The following ADAMTS17 variants were observed in gnomAD, a reference collection of about 807,000 sequenced individuals.
ADAMTS17 encodes A disintegrin and metalloproteinase with thrombospondin motifs 17.
In ADAMTS17, 113 loss-of-function variants were observed where a neutral mutation model predicts 141.5. That is an observed-to-expected ratio of 0.80 (90% CI 0.69 to 0.93). The LOEUF is 0.93. Among genes scored for constraint, ADAMTS17 ranks in the 40% least tolerant of loss-of-function variants. The pLI, the probability that ADAMTS17 is intolerant of heterozygous loss-of-function variation, is 0.00. For synonymous variants in ADAMTS17, 768 were observed against 630.6 expected (o/e 1.22, Z -3.27); for missense variants, 1,659 against 1,517.9 (o/e 1.09, Z -1.54).
At chr15:100,025,865 A>G (rs1470249044) in intron 18 of ADAMTS17, among the ~76,000 whole-genome samples, 1 of 151,648 alleles carries the variant, frequency 6.6e-6, no homozygotes, top group Non-Finnish European at 1.5e-5. Flanking sequence ...TTTACTGTTT[A>G]TTTATTTTTT....
chr15:100,153,549 CAGG>C (rs1230766994), intron 9 of ADAMTS17, among the ~76,000 whole-genome samples: 1 of 152,158 alleles, frequency 6.6e-6, no homozygotes, highest in Non-Finnish European at 1.5e-5. Context: ...AAGGCTGAAG[CAGG>C]AGAATTACTT....
chr15:100,258,227 G>T (rs2043392922), intron 6 of ADAMTS17, among the ~76,000 whole-genome samples: 1 of 152,148 alleles, frequency 6.6e-6, no homozygotes, highest in Admixed American at 6.5e-5. Context: ...TTGAATTTCA[G>T]TTCTTCTGGG....
intron 18 of ADAMTS17, among the ~76,000 whole-genome samples, chr15:100,034,763 C>T (rs1373646502): frequency 6.6e-6 from 1 of 152,148 alleles, no homozygotes; most frequent in Non-Finnish European, 1.5e-5. Context: ...CCTCGTGTGC[C>T]CGACACCTAC....
At chr15:100,217,213 T>A (rs1461117153) in intron 7 of ADAMTS17, among the ~76,000 whole-genome samples, 1 of 152,194 alleles carries the variant, frequency 6.6e-6, no homozygotes, top group Admixed American at 6.5e-5. Context: ...GTCTTTTCAA[T>A]TAGTGGTACT....
rs751171691 is a variant in ADAMTS17, at chr15:99,993,184, C to T, written c.2813G>A (p.Gly938Asp). ...CACGGTCCGTTTCCACACCCCTTTA[C>T]CACAGCTGGCAGAGCACTGCAAGAC... ...SEWSQCSASC[G>D]KGVWKRTVAC... The change falls in exon 20 of 22, where the codon GGT (glycine) becomes GAT (aspartate). Residue 938 changes from glycine to aspartate, a missense_variant. By Grantham distance (94) the Gly-to-Asp change is moderately conservative. Transcript: ENST00000268070. This position sits in a 1 kb window ranked among gnomAD's most constrained non-coding sequence, Gnocchi z 4.3. 3.1e-5 allele frequency: 50 copies of T among 1,614,080 alleles called. No homozygotes were observed. The highest frequency in any genetic ancestry group is 4.1e-5 in the Non-Finnish European group (48 of 1,180,048).
At chr15:100,160,196 A>G (rs1951383537) in intron 8 of ADAMTS17, among the ~76,000 whole-genome samples, 1 of 151,984 alleles carries the variant, frequency 6.6e-6, no homozygotes, top group African/African-American at 2.4e-5. Flanking sequence ...GGCATTCTCT[A>G]AAACCTCTTT....
chr15:100,130,351 G>A (rs1274271103), intron 12 of ADAMTS17, among the ~76,000 whole-genome samples: 1 of 148,462 alleles, frequency 6.7e-6, no homozygotes, highest in Non-Finnish European at 1.5e-5. Context: ...GGGACAGAGT[G>A]AGGCTCCATC....
At chr15:100,300,879 T>G (rs1470539967) in intron 3 of ADAMTS17, among the ~76,000 whole-genome samples, 1 of 152,238 alleles carries the variant, frequency 6.6e-6, no homozygotes, top group South Asian at 2.1e-4. Flanking sequence ...GAAGCTTTTG[T>G]GGGTCCCTTA....
intron 3 of ADAMTS17, among the ~76,000 whole-genome samples, chr15:100,300,611 T>C (rs960614217): frequency 6.6e-6 from 1 of 152,018 alleles, no homozygotes; most frequent in African/African-American, 2.4e-5. Context: ...CAGCCAAGAG[T>C]AGAGAGGCGG....
In ADAMTS17 at chr15:100,072,438, C is replaced by T. The variant is rs534855233; in HGVS notation, c.2138-18384G>A. Among the ~76,000 whole-genome samples, 769 of 139,136 alleles carry T rather than the reference C, an allele frequency of 5.5e-3. 28 individuals carry two copies. Among genetic ancestry groups the T allele is most frequent in the African/African-American group, 0.019 (695 of 37,304 alleles). 91.3% of individuals were successfully genotyped at this position (139,136 alleles called of 152,430 possible). A position where few individuals can be genotyped will look rare whatever the true frequency, so the allele number is the denominator to read the frequency against. On this transcript the variant is annotated intron_variant, in intron 15 of 21. Transcript: ENST00000268070. ...GTTCCTATGGAACCAAAAAAGAGCC[C>T]GCATTGCCAAGTCAATCCTAAGCCA...
At position 100,019,431 on chromosome 15, in the gene ADAMTS17, T is replaced by C. The variant is rs114852123; in HGVS notation, c.2592-21842A>G. ...AACTGGGAAGTGGAGACGTGTTTAT[T>C]AGTTAATCTCGGTACTTTTCTGTAC... On this transcript the variant is annotated intron_variant, in intron 18 of 21. Transcript: ENST00000268070. Among the ~76,000 whole-genome samples the C allele has an allele frequency of 6.1e-3, 922 of 152,342 alleles. 5 individuals carry two copies. The highest frequency in any genetic ancestry group is 0.021 in the African/African-American group (879 of 41,574).
intron 15 of ADAMTS17, among the ~76,000 whole-genome samples, chr15:100,066,282 AATC>A (rs71667067): frequency 0.038 from 5,740 of 152,296 alleles, 350 homozygotes; most frequent in African/African-American, 0.13. Context: ...CATCTACTGA[AATC>A]ATCATACTGT....
intron 3 of ADAMTS17, among the ~76,000 whole-genome samples, chr15:100,306,793 C>T (rs913504343): frequency 2.0e-5 from 3 of 152,160 alleles, no homozygotes; most frequent in African/African-American, 2.4e-5. Flanking sequence ...AAGCCCAAAG[C>T]GGGGATGCAG....
intron 12 of ADAMTS17, among the ~76,000 whole-genome samples, chr15:100,129,977 C>T (rs1013946676): frequency 6.6e-6 from 1 of 152,212 alleles, no homozygotes; most frequent in Non-Finnish European, 1.5e-5. Context: ...AACGTCAACA[C>T]AGAGTAATGC....
intron 13 of ADAMTS17, among the ~76,000 whole-genome samples, chr15:100,110,238 T>C (rs1398666323): frequency 7.5e-6 from 1 of 133,556 alleles, no homozygotes; most frequent in Non-Finnish European, 1.5e-5. Context: ...TTTATATAAA[T>C]ATATATATAT....
intron 18 of ADAMTS17, among the ~76,000 whole-genome samples, chr15:100,022,282 T>C (rs892905): frequency 0.24 from 36,214 of 152,066 alleles, 7,681 homozygotes; most frequent in African/African-American, 0.57. Flanking sequence ...CAACCCCATG[T>C]GCTGACTTAG....
rs761225746 is a variant in ADAMTS17 at position 100,330,881 on chromosome 15, C to T, written c.616+8G>A. 1.1e-5 allele frequency: 17 copies of T among 1,613,774 alleles called. No homozygotes were observed. Among genetic ancestry groups the T allele is most frequent in the South Asian group, 5.5e-5 (5 of 91,070 alleles). ...TTCTAAGCTGGTCATGCTGCTGCCC[C>T]GACTCACCTGTTAGAACCTTGCAGA... On this transcript the variant is annotated splice_region_variant and intron_variant, in intron 3 of 21. Coordinates refer to ENST00000268070, the MANE Select transcript of ADAMTS17 (RefSeq NM_139057.4).
At chr15:100,239,765 G>C (rs941171611) in intron 7 of ADAMTS17, among the ~76,000 whole-genome samples, 5 of 152,148 alleles carry the variant, frequency 3.3e-5, no homozygotes, top group Non-Finnish European at 7.3e-5. Context: ...GGTGGACATG[G>C]ACACATGCCA....
chr15:100,281,534 G>A, intron 3 of ADAMTS17, 133 bp from the exon 4 acceptor site: 11 of 1,183,690 alleles, frequency 9.3e-6, no homozygotes, highest in Non-Finnish European at 1.3e-5. Context: ...CCAGCACCCA[G>A]CAATCTCCAC....
Sources: allele counts gnomAD v4.1 joint callset (sites outside exome capture counted in the v4.1 genomes callset), GRCh38; gene constraint gnomAD v4.1.1; non-coding constraint Gnocchi (gnomAD v3.1); transcripts MANE v1.5; gene names NCBI Gene and HGNC (gene_info 2026-07-23, HGNC 2026-07-21).